Variants in UBE3D observed in about 807,000 individuals in gnomAD.
The protein encoded by UBE3D is ubiquitin protein ligase E3D.
A neutral mutation model predicts 49.6 loss-of-function variants in UBE3D; 48 were observed. The observed-to-expected ratio is 0.97, with a 90% CI of 0.77 to 1.23. UBE3D has a LOEUF of 1.23. Among genes scored for constraint, UBE3D ranks in the 50% most tolerant of loss-of-function variants. UBE3D has a pLI of 0.00. For missense variants in UBE3D, 452 were observed against 468.4 expected, an observed-to-expected ratio of 0.96 and a Z score of 0.32; for synonymous variants, 189 against 174.2, an observed-to-expected ratio of 1.08 and a Z score of -0.67.
intron 2 of UBE3D, 91 bp downstream of exon 2, chr6:83,057,735 C>T (rs1783901501): frequency 3.0e-6 from 4 of 1,345,120 alleles, no homozygotes; most frequent in East Asian, 5.0e-5. Flanking sequence ...AACCCCTTCA[C>T]CTGGGAAAAG....
Position 83,057,966 on chromosome 6 carries a change from T to G in UBE3D, c.134A>C (p.Gln45Pro). The G allele has an allele frequency of 1.2e-6, 2 of 1,614,214 alleles. No individual in the cohort carries two copies. The highest frequency in any genetic ancestry group is 1.7e-6 in the Non-Finnish European group (2 of 1,180,044). Residue 45 changes from glutamine (Q) to proline (P), a missense_variant, in exon 2 of 10, where the codon CAG (glutamine) becomes CCG (proline). Physicochemically the swap from Gln to Pro is moderately conservative, Grantham distance 76 (BLOSUM62 -1). Coordinates refer to ENST00000369747, the MANE Select transcript of UBE3D (RefSeq NM_198920.3). ...TGTGCAGCCTTCAGGGGTTTTCATC[T>G]GGAGTGAAGATGGCATTATGGAAAT... is the stretch of plus-strand genomic sequence containing the variant. ...MNISIMPSSLQMKTPEGCTEI... is the reference protein window; with the variant it reads ...MNISIMPSSLPMKTPEGCTEI...
At chr6:83,018,039 G>A (rs940954800) in intron 8 of UBE3D, 3 of 151,992 alleles carry the variant, frequency 2.0e-5, no homozygotes, top group South Asian at 2.1e-4. Flanking sequence ...CTTCTGGAGC[G>A]GGATATAATT....
At chr6:82,910,261 T>G (rs1772404487) in intron 9 of UBE3D, among the ~76,000 whole-genome samples, 1 of 152,212 alleles carries the variant, frequency 6.6e-6, no homozygotes, top group African/African-American at 2.4e-5. Context: ...GCACAACATC[T>G]TATCTAAATC....
At chr6:83,043,076 G>A (rs377089744) in intron 4 of UBE3D, among the ~76,000 whole-genome samples, 7 of 152,316 alleles carry the variant, frequency 4.6e-5, no homozygotes, top group African/African-American at 1.7e-4. Context: ...AATATGATGG[G>A]TCTTTCTTTA....
chr6:82,973,478 A>G (rs1045286724), intron 8 of UBE3D, among the ~76,000 whole-genome samples: 2 of 152,202 alleles, frequency 1.3e-5, no homozygotes, highest in Non-Finnish European at 2.9e-5. Context: ...AGGTAGAACA[A>G]AATATTTTTA....
intron 8 of UBE3D, among the ~76,000 whole-genome samples, chr6:82,988,367 A>C (rs1457523966): frequency 6.6e-6 from 1 of 152,218 alleles, no homozygotes; most frequent in Non-Finnish European, 1.5e-5. Flanking sequence ...ACAGTTCATA[A>C]CAAATTAATT....
At chr6:82,907,496 G>A (rs1359812500) in intron 9 of UBE3D, among the ~76,000 whole-genome samples, 2 of 152,048 alleles carry the variant, frequency 1.3e-5, no homozygotes, top group African/African-American at 4.8e-5. Context: ...AACCAATTAC[G>A]GGTAGTGGTG....
chr6:83,027,372 G>C (rs1179412908), intron 5 of UBE3D, among the ~76,000 whole-genome samples: 1 of 132,732 alleles, frequency 7.5e-6, no homozygotes, highest in Non-Finnish European at 1.5e-5. Context: ...GGAGGCGGAG[G>C]TTGCAGTGAG....
intron 1 of UBE3D, chr6:83,063,184 G>T: frequency 3.5e-6 from 1 of 284,220 alleles, no homozygotes; most frequent in Non-Finnish European, 7.1e-6. Flanking sequence ...AGTCCAAAGT[G>T]GGTGGATCGC....
chr6:82,886,698 A>G, the UBE3D span, among the ~76,000 whole-genome samples: 1 of 152,196 alleles, frequency 6.6e-6, no homozygotes, highest in African/African-American at 2.4e-5. Context: ...TAACACACAC[A>G]TTTCTAACTT....
the UBE3D span, among the ~76,000 whole-genome samples, chr6:82,884,920 C>G: frequency 4.6e-5 from 7 of 152,262 alleles, no homozygotes; most frequent in African/African-American, 7.2e-5. Context: ...CAGAGGGCAT[C>G]CCTGTCAGAT....
intron 4 of UBE3D, among the ~76,000 whole-genome samples, chr6:83,042,313 A>T (rs1255049921): frequency 7.2e-5 from 11 of 152,228 alleles, no homozygotes. Context: ...TTTAAAAATA[A>T]GTAGATACTG....
the UBE3D span, among the ~76,000 whole-genome samples, chr6:82,881,920 A>C: frequency 1.3e-5 from 2 of 152,212 alleles, no homozygotes; most frequent in African/African-American, 4.8e-5. Flanking sequence ...AATACCTGGC[A>C]TATTGGAAAT....
chr6:82,918,506 A>G (rs1773093886), intron 9 of UBE3D, among the ~76,000 whole-genome samples: 1 of 152,146 alleles, frequency 6.6e-6, no homozygotes, highest in South Asian at 2.1e-4. Context: ...TAAACAAAGC[A>G]TTTCCCAGAC....
At chr6:82,959,891 T>C (rs1776429434) in intron 8 of UBE3D, among the ~76,000 whole-genome samples, 1 of 152,050 alleles carries the variant, frequency 6.6e-6, no homozygotes, top group Admixed American at 6.6e-5. Flanking sequence ...GTCCTGTTAG[T>C]GGAAGAAAGG....
At chr6:82,890,795 G>GT (rs1254447838), downstream of UBE3D, among the ~76,000 whole-genome samples, 4 of 152,154 alleles carry the variant, frequency 2.6e-5, no homozygotes, top group Admixed American at 2.0e-4. Flanking sequence ...TTCTAGTTGG[G>GT]TTTTTTTGAG....
At chr6:82,902,195 G>C (rs149756364) in intron 9 of UBE3D, among the ~76,000 whole-genome samples, 1 of 152,272 alleles carries the variant, frequency 6.6e-6, no homozygotes, top group South Asian at 2.1e-4. Flanking sequence ...CTGAGGAGGG[G>C]ACTATGAGAG....
intron 8 of UBE3D, among the ~76,000 whole-genome samples, chr6:82,986,721 A>T (rs1279980360): frequency 1.4e-5 from 2 of 148,030 alleles, no homozygotes; most frequent in African/African-American, 2.5e-5. Flanking sequence ...TTTATATTTT[A>T]TATATATATC....
intron 8 of UBE3D, among the ~76,000 whole-genome samples, chr6:83,002,672 G>A (rs1252165079): frequency 6.6e-6 from 1 of 152,256 alleles, no homozygotes; most frequent in Non-Finnish European, 1.5e-5. Flanking sequence ...GCGACAGAGT[G>A]AGACTCCGTC....
Sources: gnomAD v4.1 joint callset for allele counts (sites outside exome capture counted in the v4.1 genomes callset) on GRCh38, gnomAD v4.1.1 for gene constraint, MANE v1.5 for transcripts, NCBI Gene and HGNC (gene_info 2026-07-23, HGNC 2026-07-21) for gene names.